The following MYRF variants were observed in gnomAD, a reference collection of about 807,000 sequenced individuals.
The protein encoded by MYRF is myelin regulatory factor.
Under a neutral mutation model 126.3 loss-of-function variants are expected in MYRF, and 16 were observed. The ratio of observed to expected loss-of-function variants is 0.13; its 90% CI spans 0.09 to 0.19. The LOEUF is 0.19. MYRF is among the 10% of genes least tolerant of loss of function. The pLI is 1.00. For missense variants in MYRF, 1,104 were observed against 1,547.0 expected (o/e 0.71, Z 4.80); for synonymous variants, 608 against 635.3 (o/e 0.96, Z 0.65).
intron 1 of MYRF, among the ~76,000 whole-genome samples, chr11:61,762,955 G>A (rs545326775): frequency 1.3e-5 from 2 of 152,272 alleles, no homozygotes; most frequent in East Asian, 3.9e-4. Flanking sequence ...CTCCCAGGAT[G>A]CCTCTGCCTG....
At chr11:61,774,950 C>G (rs2066334395) in intron 8 of MYRF, among the ~76,000 whole-genome samples, 1 of 152,184 alleles carries the variant, frequency 6.6e-6, no homozygotes, top group African/African-American at 2.4e-5. Context: ...TGCCTCCCAC[C>G]CTGGGCTCCC....
At chr11:61,762,563 G>A (rs1018919997) in intron 1 of MYRF, among the ~76,000 whole-genome samples, 4 of 152,168 alleles carry the variant, frequency 2.6e-5, no homozygotes, top group Non-Finnish European at 4.4e-5. Flanking sequence ...GGGCGCTCCC[G>A]AGAGTGTGCC....
intron 1 of MYRF, among the ~76,000 whole-genome samples, chr11:61,753,201 C>A (rs1285012326): frequency 6.6e-6 from 1 of 152,082 alleles, no homozygotes; most frequent in Non-Finnish European, 1.5e-5. Context: ...CCCGGTGTGC[C>A]TTCTAGGACC....
chr11:61,782,020 G>C (rs1016452035), intron 22 of MYRF, 196 bp downstream of exon 22: 1 of 554,620 alleles, frequency 1.8e-6, no homozygotes, highest in Non-Finnish European at 2.9e-6. Flanking sequence ...CAGCACTCCT[G>C]CAAGAAAGGA....
intron 1 of MYRF, chr11:61,754,336 G>A (rs1419040435): frequency 1.3e-5 from 2 of 152,452 alleles, no homozygotes; most frequent in African/African-American, 4.8e-5. Flanking sequence ...TCTGCATCAG[G>A]TGGGCCATCT....
chr11:61,753,152 A>T (rs2065653062), intron 1 of MYRF, among the ~76,000 whole-genome samples: 1 of 152,012 alleles, frequency 6.6e-6, no homozygotes, highest in South Asian at 2.1e-4. Flanking sequence ...GCTTCCCCAG[A>T]ACCCCAAGCG....
intron 22 of MYRF, chr11:61,782,034 G>GT (rs1345497583): frequency 1.8e-5 from 10 of 542,656 alleles, no homozygotes; most frequent in Non-Finnish European, 3.0e-5. Flanking sequence ...GAAAGGAATT[G>GT]TTGTTCCTAT....
intron 17 of MYRF, 35 bp from the exon 18 acceptor site, chr11:61,780,187 C>A: frequency 1.2e-6 from 2 of 1,611,028 alleles, no homozygotes; most frequent in South Asian, 2.2e-5. Context: ...GATGGTGGCT[C>A]CAGCTCTAAC....
At position 61,766,134 on chromosome 11, in the gene MYRF, A is replaced by C; in HGVS notation, c.311A>C (p.Asn104Thr). The stretch of plus-strand genomic sequence containing the variant: ...GGCACCCCGCTGAACTGCAACAACA[A>C]CAACGGCATGGGCGCTGCCCCCAAG... Reference protein sequence around the residue: ...GYGTPLNCNNNNGMGAAPKPF... With the variant: ...GYGTPLNCNNTNGMGAAPKPF... Residue 104 changes from asparagine to threonine, a missense_variant, in exon 3 of 27, where the codon AAC becomes ACC. Coordinates refer to ENST00000278836, the MANE Select transcript of MYRF (RefSeq NM_001127392.3). 1 of 1,610,792 alleles carries C rather than the reference A, an allele frequency of 6.2e-7. No homozygotes were observed. Among genetic ancestry groups the C allele is most frequent in the East Asian group, 2.2e-5 (1 of 44,876 alleles).
chr11:61,779,665 G>C, intron 16 of MYRF, 95 bp downstream of exon 16: 1 of 1,283,642 alleles, frequency 7.8e-7, no homozygotes, highest in Non-Finnish European at 1.1e-6. Flanking sequence ...ACTGCCTCTG[G>C]TGCTTCCCTC....
chr11:61,762,687 C>T (rs947946320), intron 1 of MYRF, among the ~76,000 whole-genome samples: 4 of 152,184 alleles, frequency 2.6e-5, no homozygotes, highest in Admixed American at 6.5e-5. Context: ...GTGTGGTTCA[C>T]GGGCGGGCTG....
In MYRF at chr11:61,786,504, C is replaced by A; in HGVS notation, c.*361C>A. On this transcript the variant is annotated 3_prime_UTR_variant, in exon 27 of 27. Coordinates refer to ENST00000278836, the MANE Select transcript of MYRF (RefSeq NM_001127392.3). This position sits in a 1 kb window ranked among gnomAD's most constrained non-coding sequence, Gnocchi z 4.5. ...CTGATTTGTTCAGAGCCCATTCTCC[C>A]TTGCCTCCCCTTTTGAGACTGGAGC... is the stretch of plus-strand genomic sequence containing the variant. 1 of 277,366 alleles carries A rather than the reference C, an allele frequency of 3.6e-6. No individual in the cohort carries two copies. The highest frequency in any genetic ancestry group is 7.0e-6 in the Non-Finnish European group (1 of 143,378). 17.2% of individuals were successfully genotyped at this position (277,366 alleles called of 1,614,324 possible). A position where few individuals can be genotyped will look rare whatever the true frequency, so the allele number is the denominator to read the frequency against.
chr11:61,753,024 G>A (rs2065649712), intron 1 of MYRF, among the ~76,000 whole-genome samples: 1 of 152,012 alleles, frequency 6.6e-6, no homozygotes, highest in African/African-American at 2.4e-5. Flanking sequence ...CAGCTTCCTT[G>A]GGACTGTGTC....
Position 61,758,512 on chromosome 11 carries a change from G to A in MYRF, c.46+5722G>A, listed in dbSNP as rs189669901. 5.9e-5 allele frequency among the ~76,000 whole-genome samples: 9 copies of A among 152,330 alleles called. No individual in the cohort carries two copies. The East Asian group carries it at 1.3e-3, about 23-fold the overall frequency. On this transcript the variant is annotated intron_variant, in intron 1 of 26. Coordinates refer to ENST00000278836, the MANE Select transcript of MYRF (RefSeq NM_001127392.3). ...GGGGGCTTGGAGGGAAGAAGAGGAG[G>A]TGGGAGCTCTTCCTGGGTGGCCACT... is the stretch of plus-strand genomic sequence containing the variant.
rs202068755 is a variant in MYRF at position 61,771,630 on chromosome 11, C to A, written c.871C>A (p.Arg291=). 1 of 1,613,974 alleles carries A rather than the reference C, an allele frequency of 6.2e-7. No homozygotes were observed. The highest frequency in any genetic ancestry group is 1.7e-5 in the Admixed American group (1 of 60,020). ...GACAGCCCTGCCTCTGCACCCCACT[C>A]GAGCCCCATCGCCACCCTGGCCTCC... ...TVTALPLHPT[R]APSPPWPPQG... The change falls in exon 6 of 27, where the codon CGA becomes AGA. Residue 291 remains arginine (R), a synonymous_variant. Transcript: ENST00000278836.
intron 1 of MYRF, among the ~76,000 whole-genome samples, chr11:61,764,824 C>G (rs2066007090): frequency 6.6e-6 from 1 of 152,200 alleles, no homozygotes. Context: ...CGCAGAGGGC[C>G]CAGGAGAGGG....
rs768828752 is a variant in MYRF, at chr11:61,771,617, T to C, written c.858T>C (p.Pro286=). ...KQEPGTVTAL[P]LHPTRAPSPP... is the part of the protein sequence containing the mutation. ...AGCCTGGGACCGTGACAGCCCTGCCTCTGCACCCCACTCGAGCCCCATCGC... is the reference window on the plus strand; with the variant it reads ...AGCCTGGGACCGTGACAGCCCTGCCCCTGCACCCCACTCGAGCCCCATCGC... Residue 286 remains proline (P), a synonymous_variant, in exon 6 of 27, where the codon CCT becomes CCC. Transcript: ENST00000278836. 6.8e-6 allele frequency: 11 copies of C among 1,613,906 alleles called. No homozygotes were observed. The Admixed American group carries it at 1.8e-4, about 27-fold the overall frequency.
At chr11:61,767,254 C>T in intron 3 of MYRF, 1 of 456,740 alleles carries the variant, frequency 2.2e-6, no homozygotes, top group Non-Finnish European at 4.4e-6. Context: ...ACTACAGGCC[C>T]CTGGGGGCAG....
chr11:61,783,973 A>C lies in MYRF; in HGVS notation c.3194+48A>C, dbSNP rs2066623150. The C allele has an allele frequency of 6.4e-7, 1 of 1,557,468 alleles. No homozygotes were observed. The highest frequency in any genetic ancestry group is 2.3e-5 in the East Asian group (1 of 42,562). On this transcript the variant is annotated intron_variant, in intron 24 of 26. Transcript: ENST00000278836. This position sits in a 1 kb window ranked among gnomAD's most constrained non-coding sequence, Gnocchi z 4.6. ...GGGAGGCAGGAGGGGAGCCAGGGAG[A>C]ATCTCCCGCAGAGCCTCAGAACAGC...
Sources: gnomAD v4.1 joint callset for allele counts (sites outside exome capture counted in the v4.1 genomes callset) on GRCh38, gnomAD v4.1.1 for gene constraint, Gnocchi (gnomAD v3.1) non-coding constraint, MANE v1.5 for transcripts, NCBI Gene and HGNC (gene_info 2026-07-23, HGNC 2026-07-21) for gene names.